MAGI1: variants seen among roughly 807,000 people sequenced by gnomAD.
MAGI1 encodes membrane associated guanylate kinase, WW and PDZ domain containing 1, also known as membrane-associated guanylate kinase, WW and PDZ domain-containing protein 1.
A neutral mutation model predicts 139.9 loss-of-function variants in MAGI1; 58 were observed. The observed-to-expected ratio is 0.41, with a 90% confidence interval of 0.34 to 0.52. The LOEUF (loss-of-function observed/expected upper bound fraction) is 0.52. Ranked by LOEUF, MAGI1 falls within the 20% of genes least tolerant of loss-of-function variation. The pLI, the probability that MAGI1 is intolerant of heterozygous loss-of-function variation, is 0.12. For synonymous variants in MAGI1, 812 were observed against 737.9 expected (o/e 1.10, Z -1.63); for missense variants, 1,874 against 1,901.6 (o/e 0.99, Z 0.27).
intron 1 of MAGI1, among the ~76,000 whole-genome samples, chr3:65,654,704 T>A (rs2085774302): frequency 6.6e-6 from 1 of 152,130 alleles, no homozygotes; most frequent in African/African-American, 2.4e-5. Flanking sequence ...ATGTGCTAAA[T>A]GTTACATACT....
intron 1 of MAGI1, among the ~76,000 whole-genome samples, chr3:65,848,957 C>T (rs1164386713): frequency 2.1e-5 from 3 of 140,692 alleles, no homozygotes; most frequent in Non-Finnish European, 4.5e-5. Context: ...AAATCACTTG[C>T]ACTCCAAACA....
At chr3:65,704,832 G>T (rs2089848912) in intron 1 of MAGI1, among the ~76,000 whole-genome samples, 1 of 151,688 alleles carries the variant, frequency 6.6e-6, no homozygotes, top group Admixed American at 6.6e-5. Context: ...TTATCCTCTA[G>T]ACCCCGTCTC....
chr3:65,877,428 A>T (rs545959322), intron 1 of MAGI1, among the ~76,000 whole-genome samples: 1 of 152,268 alleles, frequency 6.6e-6, no homozygotes, highest in African/African-American at 2.4e-5. Flanking sequence ...AGCAGCTCTC[A>T]AACACCCACA....
chr3:65,434,038 A>G (rs1266117864), intron 10 of MAGI1, among the ~76,000 whole-genome samples: 3 of 152,198 alleles, frequency 2.0e-5, no homozygotes, highest in Non-Finnish European at 4.4e-5. Flanking sequence ...ATTGGCTTCC[A>G]TACCGAACAG....
intron 2 of MAGI1, among the ~76,000 whole-genome samples, chr3:65,581,169 G>C (rs948403619): frequency 6.6e-6 from 1 of 152,102 alleles, no homozygotes; most frequent in African/African-American, 2.4e-5. Context: ...TACAGTCTGA[G>C]AGGCACACTC....
intron 2 of MAGI1, among the ~76,000 whole-genome samples, chr3:65,587,471 ACTTTTTT>A (rs2081739411): frequency 7.1e-6 from 1 of 140,428 alleles, no homozygotes; most frequent in African/African-American, 2.7e-5. Context: ...TTTTATTATT[ACTTTTTT>A]CTTTTTTTTT....
intron 1 of MAGI1, among the ~76,000 whole-genome samples, chr3:65,971,401 T>A (rs564103223): frequency 2.3e-4 from 35 of 152,280 alleles, no homozygotes; most frequent in African/African-American, 7.9e-4. Flanking sequence ...CATTATGATC[T>A]CTGGAGACCA....
At chr3:65,816,930 A>G (rs997759605) in intron 1 of MAGI1, among the ~76,000 whole-genome samples, 1 of 152,210 alleles carries the variant, frequency 6.6e-6, no homozygotes, top group African/African-American at 2.4e-5. Flanking sequence ...TCAAATATCT[A>G]TTCAACGGAC....
At chr3:65,420,546 T>C (rs1453347863) in intron 12 of MAGI1, among the ~76,000 whole-genome samples, 2 of 152,192 alleles carry the variant, frequency 1.3e-5, no homozygotes, top group Non-Finnish European at 2.9e-5. Flanking sequence ...GTTTGTTTCA[T>C]TTGCAGATGA....
At chr3:65,433,401 T>C (rs1040005318) in intron 10 of MAGI1, among the ~76,000 whole-genome samples, 5 of 152,182 alleles carry the variant, frequency 3.3e-5, no homozygotes, top group Non-Finnish European at 7.3e-5. Flanking sequence ...TTTGAAATTA[T>C]ACGACTGACT....
chr3:65,606,737 C>T (rs1428508788), intron 2 of MAGI1, among the ~76,000 whole-genome samples: 1 of 152,130 alleles, frequency 6.6e-6, no homozygotes, highest in East Asian at 1.9e-4. Flanking sequence ...AGGCAGGTCT[C>T]GAACTCCTGA....
At chr3:65,684,274 C>A (rs1174148774) in intron 1 of MAGI1, among the ~76,000 whole-genome samples, 1 of 148,640 alleles carries the variant, frequency 6.7e-6, no homozygotes, top group Non-Finnish European at 1.5e-5. Flanking sequence ...TTAAAAAAAA[C>A]AACTGCAACA....
chr3:66,013,946 C>T (rs1255314147), intron 1 of MAGI1, among the ~76,000 whole-genome samples: 1 of 152,112 alleles, frequency 6.6e-6, no homozygotes, highest in Non-Finnish European at 1.5e-5. Context: ...GGTAACTTCT[C>T]CCCTGATAAA....
intron 1 of MAGI1, among the ~76,000 whole-genome samples, chr3:65,731,421 G>A (rs2034176123): frequency 6.6e-6 from 1 of 151,784 alleles, no homozygotes; most frequent in African/African-American, 2.4e-5. Context: ...GGGAGGCTGA[G>A]GTGGGTGGAT....
At position 65,354,369 on chromosome 3, in the gene MAGI1, T is replaced by C. The variant is rs558093485; in HGVS notation, c.*2009A>G. 2 of 152,792 alleles carry C rather than the reference T, an allele frequency of 1.3e-5. No individual in the cohort carries two copies. Among genetic ancestry groups the C allele is most frequent in the East Asian group, 3.9e-4 (2 of 5,190 alleles). 9.5% of individuals were successfully genotyped at this position (152,792 alleles called of 1,614,324 possible). On this transcript the variant is annotated 3_prime_UTR_variant, in exon 23 of 23. Coordinates refer to ENST00000402939, the MANE Select transcript of MAGI1 (RefSeq NM_001033057.2). ...CTTGTTTTATAAATGTCCACACAAC[T>C]ACAGCTACTCATTCTAATGTTATGT...
At chr3:65,483,684 G>A (rs1045570960) in intron 3 of MAGI1, among the ~76,000 whole-genome samples, 1 of 152,196 alleles carries the variant, frequency 6.6e-6, no homozygotes, top group Non-Finnish European at 1.5e-5. Context: ...CTCCCAAGTG[G>A]AAACTTGTTC....
chr3:65,873,117 G>A (rs770406624), intron 1 of MAGI1: 25 of 152,212 alleles, frequency 1.6e-4, no homozygotes, highest in Non-Finnish European at 2.9e-4. Flanking sequence ...CACTGCAGAA[G>A]TTTCCAAGGT....
At chr3:65,594,641 T>C (rs1239440464) in intron 2 of MAGI1, among the ~76,000 whole-genome samples, 1 of 152,172 alleles carries the variant, frequency 6.6e-6, no homozygotes, top group Non-Finnish European at 1.5e-5. Flanking sequence ...TGTGCTTACA[T>C]TCAAATATTT....
intron 1 of MAGI1, among the ~76,000 whole-genome samples, chr3:65,869,793 AAATG>A (rs1378614098): frequency 1.3e-5 from 2 of 152,194 alleles, no homozygotes; most frequent in Non-Finnish European, 2.9e-5. Flanking sequence ...AACTGAAATG[AAATG>A]AGGATCCTGG....
Sources: allele counts gnomAD v4.1 joint callset (sites outside exome capture counted in the v4.1 genomes callset), GRCh38; gene constraint gnomAD v4.1.1; transcripts MANE v1.5; gene names NCBI Gene and HGNC (gene_info 2026-07-23, HGNC 2026-07-21).